RIMS2: variants seen among roughly 807,000 people sequenced by gnomAD.
The protein encoded by RIMS2 is regulating synaptic membrane exocytosis 2.
Under a neutral mutation model 174.4 loss-of-function variants are expected in RIMS2, and 59 were observed. That is an observed-to-expected ratio of 0.34 (90% CI 0.27 to 0.42). The LOEUF (loss-of-function observed/expected upper bound fraction) is 0.42, where lower values mean the gene tolerates loss of function less well. Among genes scored for constraint, RIMS2 ranks in the 10% least tolerant of loss-of-function variants. The pLI is 1.00. For missense variants in RIMS2, 1,620 were observed against 1,666.3 expected, an observed-to-expected ratio of 0.97 and a Z score of 0.48; for synonymous variants, 606 against 572.5, an observed-to-expected ratio of 1.06 and a Z score of -0.84.
chr8:103,559,254 C>A (rs1587735121), intron 1 of RIMS2: 1 of 186,870 alleles, frequency 5.4e-6, no homozygotes, highest in East Asian at 1.7e-4. Flanking sequence ...TCTCTCATTG[C>A]CAGCCTTCTG....
intron 3 of RIMS2, among the ~76,000 whole-genome samples, chr8:103,833,368 G>A (rs1009732475): frequency 3.3e-5 from 5 of 151,610 alleles, no homozygotes; most frequent in African/African-American, 1.2e-4. Context: ...ATTTTGCTTG[G>A]GTTGGCTGTG....
chr8:104,127,957 A>G (rs1375023305), intron 19 of RIMS2, among the ~76,000 whole-genome samples: 4 of 152,212 alleles, frequency 2.6e-5, no homozygotes, highest in Non-Finnish European at 5.9e-5. Flanking sequence ...AGTCCAGAGT[A>G]ACACTCAAGA....
In RIMS2 at chr8:103,885,788, A is replaced by G. The variant is rs777773464; in HGVS notation, c.1189A>G (p.Ile397Val). ...GGATCGACCATCAAGGCAAAGATCT[A>G]TATCAGAACGTAGAGCTGCCATGGA... is the stretch of plus-strand genomic sequence containing the variant. Residue 397 changes from isoleucine (I) to valine (V), a missense_variant, in exon 4 of 24, where the codon ATA (isoleucine) becomes GTA (valine). Physicochemically the swap from Ile to Val is conservative, Grantham distance 29 (BLOSUM62 3). This residue lies in a region of RIMS2 where 1,395 missense variants were observed against 1,360.1 expected (regional missense o/e 1.03). Coordinates refer to ENST00000504942, the Ensembl canonical transcript of RIMS2. 7.4e-6 allele frequency: 12 copies of G among 1,612,962 alleles called. No individual in the cohort carries two copies. In the South Asian group the frequency reaches 7.7e-5, roughly 10 times the overall value.
At chr8:104,213,536 G>A (rs1175364868) in intron 19 of RIMS2, among the ~76,000 whole-genome samples, 1 of 152,172 alleles carries the variant, frequency 6.6e-6, no homozygotes, top group African/African-American at 2.4e-5. Context: ...TTAAGAAAGT[G>A]CCTGGGAAAT....
intron 19 of RIMS2, among the ~76,000 whole-genome samples, chr8:104,065,879 T>A (rs956116855): frequency 1.3e-5 from 2 of 152,172 alleles, no homozygotes; most frequent in Non-Finnish European, 2.9e-5. Flanking sequence ...GAAAGCTCTA[T>A]TTGCATCTTG....
intron 3 of RIMS2, among the ~76,000 whole-genome samples, chr8:103,833,227 C>G (rs1372533942): frequency 1.3e-5 from 2 of 152,090 alleles, no homozygotes; most frequent in Non-Finnish European, 2.9e-5. Context: ...TTCGTGATGA[C>G]AAGTCGTTGG....
chr8:104,246,634 G>A (rs891770787), intron 20 of RIMS2, among the ~76,000 whole-genome samples: 2 of 152,168 alleles, frequency 1.3e-5, no homozygotes, highest in Non-Finnish European at 1.5e-5. Context: ...TGATCAAGAC[G>A]GTGGAGGTAA....
At chr8:103,551,536 G>A (rs544313385) in intron 1 of RIMS2, among the ~76,000 whole-genome samples, 6 of 152,224 alleles carry the variant, frequency 3.9e-5, no homozygotes, top group Admixed American at 3.9e-4. Flanking sequence ...TTGAAAACTG[G>A]CACAAGACAG....
chr8:104,044,881 G>A (rs1201459122), intron 19 of RIMS2, among the ~76,000 whole-genome samples: 1 of 151,670 alleles, frequency 6.6e-6, no homozygotes, highest in Non-Finnish European at 1.5e-5. Flanking sequence ...TCCAAAGTAA[G>A]AGTAAAGAGA....
intron 17 of RIMS2, among the ~76,000 whole-genome samples, chr8:103,998,980 A>G (rs1356649120): frequency 6.6e-6 from 1 of 151,776 alleles, no homozygotes; most frequent in East Asian, 1.9e-4. Context: ...GAGAGAGAAG[A>G]TCTCTAAAAT....
chr8:103,814,935 T>G (rs771922758), intron 3 of RIMS2, among the ~76,000 whole-genome samples: 1 of 152,160 alleles, frequency 6.6e-6, no homozygotes, highest in Non-Finnish European at 1.5e-5. Context: ...AATCTACTAT[T>G]TTATTTACTT....
At chr8:104,071,948 GCC>G (rs1431828477) in intron 19 of RIMS2, among the ~76,000 whole-genome samples, 1 of 152,076 alleles carries the variant, frequency 6.6e-6, no homozygotes, top group African/African-American at 2.4e-5. Flanking sequence ...TCTTTATAAG[GCC>G]TTTAATAATG....
rs150524313 is a variant in RIMS2, at chr8:103,617,754, A to T, written c.177-79332A>T. The stretch of plus-strand genomic sequence containing the variant: ...ATGCGGTCAACAGGCATATGAAAAA[A>T]ATTCAGTATTAGTGATCATTAGAGA... On this transcript the variant is annotated intron_variant, in intron 1 of 23. Coordinates refer to ENST00000504942, the Ensembl canonical transcript of RIMS2. Among the ~76,000 whole-genome samples, 19 of 152,314 alleles carry T rather than the reference A, an allele frequency of 1.2e-4. No homozygotes were observed. In the East Asian group the frequency reaches 3.7e-3, roughly 29 times the overall value.
At position 104,068,618 on chromosome 8, in the gene RIMS2, A is replaced by T; in HGVS notation, c.3334+54003A>T. On this transcript the variant is annotated intron_variant, in intron 19 of 23. Transcript: ENST00000504942. ...AACAAGATTACCATTCGAAGGCAAG[A>T]CATTTTTCTTTTTAAAAGTTGTAAA... 1 of 1,435,190 alleles carries T rather than the reference A, an allele frequency of 7.0e-7. No individual in the cohort carries two copies. 88.9% of individuals were successfully genotyped at this position (1,435,190 alleles called of 1,614,324 possible).
chr8:103,948,460 G>T (rs573220172), intron 14 of RIMS2, among the ~76,000 whole-genome samples: 1 of 152,176 alleles, frequency 6.6e-6, no homozygotes, highest in Admixed American at 6.5e-5. Context: ...AATAAAATGT[G>T]GTATATCCTC....
intron 19 of RIMS2, among the ~76,000 whole-genome samples, chr8:104,152,511 T>C (rs2098695958): frequency 6.6e-6 from 1 of 152,108 alleles, no homozygotes. Context: ...GTGTTCAAAA[T>C]AAGGTTTTAA....
chr8:103,891,500 T>C (rs1226033621), intron 4 of RIMS2, among the ~76,000 whole-genome samples: 1 of 152,070 alleles, frequency 6.6e-6, no homozygotes, highest in African/African-American at 2.4e-5. Context: ...TAAATAGCCA[T>C]GTTGTCAACC....
chr8:103,571,179 G>T (rs1411875674), intron 1 of RIMS2, among the ~76,000 whole-genome samples: 1 of 152,088 alleles, frequency 6.6e-6, no homozygotes, highest in Non-Finnish European at 1.5e-5. Flanking sequence ...ATTGTGTTTG[G>T]TACATACTAT....
At chr8:103,678,146 C>T (rs866118896) in intron 1 of RIMS2, among the ~76,000 whole-genome samples, 80 of 152,144 alleles carry the variant, frequency 5.3e-4, no homozygotes, top group Non-Finnish European at 9.6e-4. Context: ...CATATCTATG[C>T]ATGTTCATAT....
Sources: allele counts gnomAD v4.1 joint callset (sites outside exome capture counted in the v4.1 genomes callset), GRCh38; gene constraint gnomAD v4.1.1; regional missense constraint gnomAD v4.1.1; transcripts MANE v1.5; gene names NCBI Gene and HGNC (gene_info 2026-07-23, HGNC 2026-07-21).